The following NCAM2 variants were observed in gnomAD, a reference collection of about 807,000 sequenced individuals.
The protein encoded by NCAM2 is neural cell adhesion molecule 2, also known as N-CAM-2.
In NCAM2, 30 loss-of-function variants were observed where a neutral mutation model predicts 98.1. The ratio of observed to expected loss-of-function variants is 0.31; its 90% CI spans 0.23 to 0.41. The LOEUF (loss-of-function observed/expected upper bound fraction) is 0.41, where lower values mean the gene tolerates loss of function less well. Among genes scored for constraint, NCAM2 ranks in the 10% least tolerant of loss-of-function variants. The probability of loss-of-function intolerance (pLI) is 1.00; values close to 1 mark genes in which losing one functional copy is unlikely to be tolerated. For synonymous variants in NCAM2, 368 were observed against 342.4 expected (o/e 1.07, Z -0.83); for missense variants, 867 against 1,005.8 (o/e 0.86, Z 1.87).
intron 1 of NCAM2, among the ~76,000 whole-genome samples, chr21:21,092,523 C>T (rs1020419052): frequency 1.3e-5 from 2 of 151,978 alleles, no homozygotes; most frequent in Non-Finnish European, 2.9e-5. Flanking sequence ...ACAATGGTGA[C>T]TCATAGAAAC....
At chr21:21,135,022 C>T (rs2067014463) in intron 1 of NCAM2, among the ~76,000 whole-genome samples, 1 of 128,654 alleles carries the variant, frequency 7.8e-6, no homozygotes, top group Non-Finnish European at 1.6e-5. Context: ...ATCACGAGGT[C>T]AGGAGATCAA....
chr21:21,336,452 T>C (rs1215362760), intron 7 of NCAM2, among the ~76,000 whole-genome samples: 2 of 151,928 alleles, frequency 1.3e-5, no homozygotes, highest in Non-Finnish European at 2.9e-5. Context: ...CATTTGGAGA[T>C]ATACCTAATG....
chr21:21,183,584 T>C (rs1388119724), intron 1 of NCAM2, among the ~76,000 whole-genome samples: 6 of 152,274 alleles, frequency 3.9e-5, no homozygotes, highest in African/African-American at 1.4e-4. Context: ...ATGGCAGTAC[T>C]TGGCAAGAGA....
At position 21,497,223 on chromosome 21, in the gene NCAM2, G is replaced by A. The variant is rs1164541205; in HGVS notation, c.2078-11628G>A. On this transcript the variant is annotated intron_variant, in intron 15 of 17. Coordinates refer to ENST00000400546, the MANE Select transcript of NCAM2 (RefSeq NM_004540.5). ...GTGGACTACTAGAGGATGGGGTGTG[G>A]GTTAAAAAACTACCAATCAATCAAG... 2.0e-5 allele frequency among the ~76,000 whole-genome samples: 3 copies of A among 152,000 alleles called. No homozygotes were observed. The East Asian group carries it at 5.8e-4, about 29-fold the overall frequency.
chr21:21,431,290 G>A (rs1024908434), intron 11 of NCAM2, among the ~76,000 whole-genome samples: 9 of 147,514 alleles, frequency 6.1e-5, no homozygotes, highest in African/African-American at 2.3e-4. Context: ...GATGTTTCTG[G>A]AGTAGAGTTT....
intron 16 of NCAM2, among the ~76,000 whole-genome samples, chr21:21,527,775 G>A (rs1214876674): frequency 6.6e-6 from 1 of 152,138 alleles, no homozygotes; most frequent in Non-Finnish European, 1.5e-5. Context: ...AATCACTGTG[G>A]AAGACAATTT....
chr21:21,247,266 T>C (rs1381867362), intron 1 of NCAM2, among the ~76,000 whole-genome samples: 3 of 151,844 alleles, frequency 2.0e-5, no homozygotes, highest in East Asian at 1.9e-4. Flanking sequence ...TTGCAGTGAG[T>C]CGAGATCTCG....
intron 1 of NCAM2, among the ~76,000 whole-genome samples, chr21:21,156,422 G>T (rs1045447025): frequency 4.6e-5 from 7 of 151,844 alleles, no homozygotes; most frequent in African/African-American, 1.2e-4. Flanking sequence ...TTTAGTCTGG[G>T]TATGCAGAGT....
At chr21:21,523,517 A>T (rs1989148831) in intron 16 of NCAM2, among the ~76,000 whole-genome samples, 1 of 151,890 alleles carries the variant, frequency 6.6e-6, no homozygotes. Flanking sequence ...AAGGTAAATT[A>T]AAAACTTTTA....
intron 1 of NCAM2, among the ~76,000 whole-genome samples, chr21:21,116,337 A>G (rs566164738): frequency 6.6e-6 from 1 of 152,238 alleles, no homozygotes; most frequent in East Asian, 1.9e-4. Flanking sequence ...GAGATTATAT[A>G]AATTAAATAT....
chr21:21,301,424 G>A (rs1270569722), intron 5 of NCAM2, among the ~76,000 whole-genome samples: 1 of 141,974 alleles, frequency 7.0e-6, no homozygotes, highest in African/African-American at 2.6e-5. Flanking sequence ...TAGGGTACAT[G>A]TGCACATTGT....
chr21:21,274,937 A>G (rs2072666769), intron 1 of NCAM2, among the ~76,000 whole-genome samples: 1 of 152,150 alleles, frequency 6.6e-6, no homozygotes, highest in African/African-American at 2.4e-5. Flanking sequence ...GTTGTATCAA[A>G]TAGCAAAGGG....
rs554750613 is a variant in NCAM2, at chr21:21,421,644, T to C, written c.1480+3075T>C. Among the ~76,000 whole-genome samples, 16 of 152,272 alleles carry C rather than the reference T, an allele frequency of 1.1e-4. No individual in the cohort carries two copies. The South Asian group carries it at 3.3e-3, about 32-fold the overall frequency. On this transcript the variant is annotated intron_variant, in intron 11 of 17. Coordinates refer to ENST00000400546, the MANE Select transcript of NCAM2 (RefSeq NM_004540.5). ...CTGCAGAATCCTAACACTGAAACTATACTGTGATTTTAAATAAGATGTAAG... is the reference window on the plus strand; with the variant it reads ...CTGCAGAATCCTAACACTGAAACTACACTGTGATTTTAAATAAGATGTAAG...
intron 9 of NCAM2, among the ~76,000 whole-genome samples, chr21:21,385,386 ACACACACACACACG>A: frequency 6.9e-6 from 1 of 144,002 alleles, no homozygotes; most frequent in Admixed American, 6.9e-5. Context: ...ACACACACAC[ACACACACACACACG>A]CACACACACA....
At chr21:21,331,977 A>G (rs897705007) in intron 6 of NCAM2, among the ~76,000 whole-genome samples, 7 of 151,906 alleles carry the variant, frequency 4.6e-5, no homozygotes, top group African/African-American at 1.7e-4. Flanking sequence ...ATCTTGGCTC[A>G]CTGCAACCTC....
intron 1 of NCAM2, among the ~76,000 whole-genome samples, chr21:21,085,466 G>A (rs1252434646): frequency 6.6e-6 from 1 of 152,026 alleles, no homozygotes; most frequent in East Asian, 1.9e-4. Context: ...TTCCAGCCAT[G>A]TTGCTGTCTC....
intron 6 of NCAM2, among the ~76,000 whole-genome samples, chr21:21,334,336 C>T (rs1027998028): frequency 2.6e-5 from 4 of 152,014 alleles, no homozygotes; most frequent in Non-Finnish European, 5.9e-5. Context: ...GAAACTGGAA[C>T]AATAAATTCT....
At position 21,408,430 on chromosome 21, in the gene NCAM2, A is replaced by T. The variant is rs183499497; in HGVS notation, c.1196-1844A>T. ...AGTGCATTAAAAGTCCTTTAAATAA[A>T]CTTTTATAATATTTATAATTATTTT... On this transcript the variant is annotated intron_variant, in intron 9 of 17. Transcript: ENST00000400546. Among the ~76,000 whole-genome samples the T allele has an allele frequency of 3.2e-4, 49 of 152,290 alleles. 2 individuals carry two copies. The highest frequency in any genetic ancestry group is 2.9e-3 in the Admixed American group (45 of 15,294).
At chr21:21,336,392 A>G (rs1316410763) in intron 7 of NCAM2, among the ~76,000 whole-genome samples, 1 of 149,652 alleles carries the variant, frequency 6.7e-6, no homozygotes, top group African/African-American at 2.4e-5. Flanking sequence ...ATCTGTTAGA[A>G]TAAGAAGGAC....
Sources: gnomAD v4.1 joint callset for allele counts (sites outside exome capture counted in the v4.1 genomes callset) on GRCh38, gnomAD v4.1.1 for gene constraint, MANE v1.5 for transcripts, NCBI Gene and HGNC (gene_info 2026-07-23, HGNC 2026-07-21) for gene names.